ARFGAP3: variants seen among roughly 807,000 people sequenced by gnomAD.
The protein encoded by ARFGAP3 is ADP-ribosylation factor GTPase-activating protein 3.
A neutral mutation model predicts 75.0 loss-of-function variants in ARFGAP3; 72 were observed. The observed-to-expected ratio is 0.96, with a 90% CI of 0.79 to 1.17. The LOEUF (loss-of-function observed/expected upper bound fraction) is 1.17, where lower values mean the gene tolerates loss of function less well. Among genes scored for constraint, ARFGAP3 ranks in the 50% most tolerant of loss-of-function variants. The pLI is 0.00. For missense variants in ARFGAP3, 620 were observed against 626.6 expected (o/e 0.99, Z 0.11); for synonymous variants, 221 against 217.9 (o/e 1.01, Z -0.13).
Position 42,796,748 on chromosome 22 carries a change from ATATT to A in ARFGAP3, c.*836_*839del, listed in dbSNP as rs1031951005. The stretch of plus-strand genomic sequence containing the variant: ...AATTTCTGAAAAGCAAGATTTAAAA[ATATT>A]TATTAACAAAACTACCCAATTACAA... On this transcript the variant is annotated 3_prime_UTR_variant, in exon 16 of 16. Coordinates refer to ENST00000263245, the MANE Select transcript of ARFGAP3 (RefSeq NM_014570.5). 5 of 152,358 alleles carry A rather than the reference ATATT, an allele frequency of 3.3e-5. No individual in the cohort carries two copies. Among genetic ancestry groups the A allele is most frequent in the South Asian group, 2.1e-4 (1 of 4,832 alleles). The allele number at this position is 152,358 out of a possible 1,614,324, so 9.4% of individuals were successfully genotyped here.
rs138100248 is a variant in ARFGAP3, at chr22:42,822,177, C to A, written c.812+93G>T. ...ATTTTGCAGTACCCTCCCTTCCCCC[C>A]CCACACAAAAATACATGGCATTTGG... On this transcript the variant is annotated intron_variant, in intron 9 of 15. Coordinates refer to ENST00000263245, the MANE Select transcript of ARFGAP3 (RefSeq NM_014570.5). The A allele has an allele frequency of 1.7e-4, 171 of 1,032,172 alleles. 1 individual carries two copies. The highest frequency in any genetic ancestry group is 3.1e-4 in the South Asian group (20 of 65,328). The allele number at this position is 1,032,172 out of a possible 1,614,324, so 63.9% of individuals were successfully genotyped here. A position where few individuals can be genotyped will look rare whatever the true frequency, so the allele number is the denominator to read the frequency against.
intron 9 of ARFGAP3, among the ~76,000 whole-genome samples, chr22:42,820,771 C>A (rs769460782): frequency 6.6e-6 from 1 of 152,158 alleles, no homozygotes; most frequent in African/African-American, 2.4e-5. Flanking sequence ...GGTACAGTCA[C>A]GGTTTCCAGA....
Position 42,808,079 on chromosome 22 carries a change from C to T in ARFGAP3, c.1320+688G>A, listed in dbSNP as rs112376632. ...AACATTTCTGAGAAAAGCCAACAAC[C>T]TGAAAATAAATATATGCACTCCTCA... On this transcript the variant is annotated intron_variant, in intron 13 of 15. Transcript: ENST00000263245. 6.9e-3 allele frequency among the ~76,000 whole-genome samples: 1,053 copies of T among 151,934 alleles called. 17 individuals carry two copies. Among genetic ancestry groups the T allele is most frequent in the African/African-American group, 0.024 (1,015 of 41,436 alleles).
intron 14 of ARFGAP3, among the ~76,000 whole-genome samples, chr22:42,800,309 C>T (rs1419958498): frequency 6.6e-6 from 1 of 152,198 alleles, no homozygotes; most frequent in Non-Finnish European, 1.5e-5. Flanking sequence ...GTGGGAGGAT[C>T]ACTTGAGGTC....
At position 42,810,958 on chromosome 22, in the gene ARFGAP3, A is replaced by G. The variant is rs1925345132; in HGVS notation, c.1065-14T>C. The stretch of plus-strand genomic sequence containing the variant: ...TCGTCAAAGTAACTGTAGGAGCAAG[A>G]GTACAACAGTGACTTTGGAGGTCCT... On this transcript the variant is annotated splice_polypyrimidine_tract_variant and intron_variant, in intron 11 of 15. Coordinates refer to ENST00000263245, the MANE Select transcript of ARFGAP3 (RefSeq NM_014570.5). The G allele has an allele frequency of 6.2e-7, 1 of 1,612,612 alleles. No individual in the cohort carries two copies. The highest frequency in any genetic ancestry group is 8.5e-7 in the Non-Finnish European group (1 of 1,179,326).
chr22:42,799,449 C>A (rs1378199560), intron 14 of ARFGAP3, among the ~76,000 whole-genome samples: 1 of 152,166 alleles, frequency 6.6e-6, no homozygotes, highest in Non-Finnish European at 1.5e-5. Context: ...AAGTTCCTTG[C>A]TCTCTCTGGG....
At chr22:42,800,003 T>G (rs1320674882) in intron 14 of ARFGAP3, among the ~76,000 whole-genome samples, 1 of 152,218 alleles carries the variant, frequency 6.6e-6, no homozygotes, top group African/African-American at 2.4e-5. Context: ...TGCCCTGATG[T>G]AAACATCACC....
intron 13 of ARFGAP3, among the ~76,000 whole-genome samples, chr22:42,807,693 G>A (rs1925187735): frequency 1.3e-5 from 2 of 152,164 alleles, no homozygotes; most frequent in East Asian, 3.9e-4. Context: ...AATAGTCAGA[G>A]GCACACTAGC....
chr22:42,806,917 G>A (rs1177157790), intron 14 of ARFGAP3, among the ~76,000 whole-genome samples, 156 bp downstream of exon 14: 1 of 152,204 alleles, frequency 6.6e-6, no homozygotes, highest in African/African-American at 2.4e-5. Context: ...TGTGAAGCCT[G>A]GAATAGTAAC....
At chr22:42,845,277 C>CATAAAA (rs1208590913) in intron 2 of ARFGAP3, among the ~76,000 whole-genome samples, 1,526 of 152,286 alleles carry the variant, frequency 0.01, 10 homozygotes, top group Admixed American at 0.018. Context: ...GTAATCCCAG[C>CATAAAA]ACTTTGGGAG....
At chr22:42,833,252 C>A (rs1233926713) in intron 5 of ARFGAP3, among the ~76,000 whole-genome samples, 3 of 152,156 alleles carry the variant, frequency 2.0e-5, no homozygotes, top group Non-Finnish European at 4.4e-5. Flanking sequence ...ACTACATAAA[C>A]AGCAAAACTG....
At chr22:42,803,377 G>T (rs1924965666) in intron 14 of ARFGAP3, among the ~76,000 whole-genome samples, 1 of 152,172 alleles carries the variant, frequency 6.6e-6, no homozygotes, top group Non-Finnish European at 1.5e-5. Flanking sequence ...CAGTGGTTAA[G>T]GGACCTCACA....
At chr22:42,822,211 A>G in intron 9 of ARFGAP3, 59 bp downstream of exon 9, 2 of 1,471,778 alleles carry the variant, frequency 1.4e-6, no homozygotes, top group South Asian at 1.2e-5. Flanking sequence ...GGAAAGCAAA[A>G]TCTTGAGTTA....
chr22:42,848,906 A>G (rs757795760), intron 1 of ARFGAP3, among the ~76,000 whole-genome samples: 1 of 152,158 alleles, frequency 6.6e-6, no homozygotes, highest in Non-Finnish European at 1.5e-5. Flanking sequence ...TTGGGTTACA[A>G]ATGACACTAT....
At chr22:42,829,066 C>T (rs550569735) in intron 6 of ARFGAP3, among the ~76,000 whole-genome samples, 1 of 152,294 alleles carries the variant, frequency 6.6e-6, no homozygotes, top group African/African-American at 2.4e-5. Context: ...ATATATAACG[C>T]ACTGTTCCTG....
At chr22:42,850,456 T>C (rs941849360) in intron 1 of ARFGAP3, among the ~76,000 whole-genome samples, 3 of 149,328 alleles carry the variant, frequency 2.0e-5, no homozygotes, top group African/African-American at 7.4e-5. Flanking sequence ...GCCTGTAGTC[T>C]CAGCTACTCA....
chr22:42,823,824 TA>T, intron 7 of ARFGAP3, 122 bp from the exon 8 acceptor site: 2 of 1,200,432 alleles, frequency 1.7e-6, no homozygotes, highest in South Asian at 4.0e-5. Flanking sequence ...TTTTCCACTT[TA>T]GTTTCTCATC....
chr22:42,827,161 T>C (rs969125573), intron 6 of ARFGAP3, 162 bp from the exon 7 acceptor site: 5 of 901,502 alleles, frequency 5.5e-6, no homozygotes, highest in Non-Finnish European at 6.6e-6. Flanking sequence ...ATAAGAATTT[T>C]GACTTAAAAG....
At chr22:42,808,922 C>A in intron 12 of ARFGAP3, 32 bp from the exon 13 acceptor site, 1 of 1,556,536 alleles carries the variant, frequency 6.4e-7, no homozygotes, top group Non-Finnish European at 8.7e-7. Flanking sequence ...TTAGGTTAAA[C>A]TAATTTGAGG....
Sources: allele counts gnomAD v4.1 joint callset (sites outside exome capture counted in the v4.1 genomes callset), GRCh38; gene constraint gnomAD v4.1.1; transcripts MANE v1.5; gene names NCBI Gene and HGNC (gene_info 2026-07-23, HGNC 2026-07-21).